Variants in DMRTC1 observed in about 807,000 individuals in gnomAD.
DMRTC1 encodes DMRT like family C1.
For missense variants in DMRTC1, 9 were observed against 34.6 expected, an observed-to-expected ratio of 0.26 and a Z score of 1.86; for synonymous variants, 7 against 14.1, an observed-to-expected ratio of 0.50 and a Z score of 1.13.
chrX:72,872,847 C>A (rs1435151025), intron 6 of DMRTC1, among the ~76,000 whole-genome samples: 2 of 72,570 alleles, frequency 2.8e-5, no homozygotes, highest in African/African-American at 1.3e-4. Flanking sequence ...GCCTCCTAAG[C>A]CTGACCTGTC....
At chrX:72,879,147 GTTTT>G (rs781972795) in intron 1 of DMRTC1, among the ~76,000 whole-genome samples, 205 of 12,777 alleles carry the variant, frequency 0.016, 4 homozygotes, top group African/African-American at 0.039. Flanking sequence ...TTTTTTGTTT[GTTTT>G]TTTTTTTTTT....
rs1213079502 is a variant in DMRTC1 at position 72,916,419 on chromosome X, T to C, written c.-95+27156A>G. ...CCCATGCTCTTGGTGATGGAGACAC[T>C]GTACTTGCAGTCCCACATGCAGCAA... On this transcript the variant is annotated intron_variant, in intron 1 of 6. Transcript: ENST00000615063. Among the ~76,000 whole-genome samples the C allele has an allele frequency of 3.2e-4, 34 of 106,190 alleles. 2 individuals are homozygous for C. The highest frequency in any genetic ancestry group is 1.3e-3 in the African/African-American group (34 of 25,287). The allele number at this position is 106,190 out of a possible 115,157, so 92.2% of individuals were successfully genotyped here. A position where few individuals can be genotyped will look rare whatever the true frequency, so the allele number is the denominator to read the frequency against.
chrX:72,876,708 A>AT (rs1395260755), intron 1 of DMRTC1, among the ~76,000 whole-genome samples: 122 of 64,122 alleles, frequency 1.9e-3, no homozygotes, highest in Non-Finnish European at 2.9e-3. Flanking sequence ...GTTCATGCTG[A>AT]TTTTTTTCTT....
At chrX:72,906,232 T>C (rs1421808945) in intron 1 of DMRTC1, among the ~76,000 whole-genome samples, 1 of 27,336 alleles carries the variant, frequency 3.7e-5, no homozygotes, top group African/African-American at 1.8e-4. Flanking sequence ...GTAAGGAGAT[T>C]GGATCAGTAA....
At position 72,872,372 on chromosome X, in the gene DMRTC1, T is replaced by G; in HGVS notation, c.*80A>C. ...GCTTTAAAAAAAGACGTTAAGCGTTTTGGACGTTAACCATTTTGCACATTC... is the reference window on the plus strand; with the variant it reads ...GCTTTAAAAAAAGACGTTAAGCGTTGTGGACGTTAACCATTTTGCACATTC... On this transcript the variant is annotated 3_prime_UTR_variant, in exon 7 of 7. Transcript: ENST00000615063. The G allele has an allele frequency of 1.9e-6, 1 of 527,139 alleles. No individual in the cohort carries two copies. Among genetic ancestry groups the G allele is most frequent in the South Asian group, 3.3e-5 (1 of 30,133 alleles). 43.4% of individuals were successfully genotyped at this position (527,139 alleles called of 1,213,427 possible). A position where few individuals can be genotyped will look rare whatever the true frequency, so the allele number is the denominator to read the frequency against.
intron 1 of DMRTC1, among the ~76,000 whole-genome samples, chrX:72,905,924 C>G (rs1477985117): frequency 8.8e-6 from 1 of 113,408 alleles, no homozygotes; most frequent in African/African-American, 3.3e-5. Flanking sequence ...TAGAAGACCA[C>G]AGGAAAATAA....
In DMRTC1 at chrX:72,913,225, A is replaced by G. The variant is rs1284065636; in HGVS notation, c.-95+30350T>C. 25 of 893,113 alleles carry G rather than the reference A, an allele frequency of 2.8e-5. No homozygotes were observed. In the African/African-American group the frequency reaches 5.2e-4, roughly 19 times the overall value. The allele number at this position is 893,113 out of a possible 1,213,427, so 73.6% of individuals were successfully genotyped here. A position where few individuals can be genotyped will look rare whatever the true frequency, so the allele number is the denominator to read the frequency against. On this transcript the variant is annotated intron_variant, in intron 1 of 6. Coordinates refer to ENST00000615063, the MANE Select transcript of DMRTC1 (RefSeq NM_033053.3). ...AAATCCCCAGGGCTCCCGAGGGTCC[A>G]CTTGTCACTCTGCTTTCCTCCCTAG... is the stretch of plus-strand genomic sequence containing the variant.
intron 1 of DMRTC1, among the ~76,000 whole-genome samples, chrX:72,906,129 G>A (rs1280585256): frequency 1.5e-5 from 1 of 67,013 alleles, no homozygotes; most frequent in East Asian, 4.7e-4. Flanking sequence ...CAATAAATGG[G>A]TCAGCCCAGA....
chrX:72,916,516 C>T (rs1556356293), intron 1 of DMRTC1, among the ~76,000 whole-genome samples: 1 of 95,959 alleles, frequency 1.0e-5, no homozygotes, highest in East Asian at 3.7e-4. Flanking sequence ...CACACAGTGC[C>T]CAATCTCCTC....
At position 72,872,121 on chromosome X, in the gene DMRTC1, A is replaced by G; in HGVS notation, c.*331T>C. 1 of 50,898 alleles carries G rather than the reference A, an allele frequency of 2.0e-5. No homozygotes were observed. The highest frequency in any genetic ancestry group is 2.8e-5 in the Non-Finnish European group (1 of 35,570). The allele number at this position is 50,898 out of a possible 1,213,427, so 4.2% of individuals were successfully genotyped here. A position where few individuals can be genotyped will look rare whatever the true frequency, so the allele number is the denominator to read the frequency against. On this transcript the variant is annotated 3_prime_UTR_variant, in exon 7 of 7. Coordinates refer to ENST00000615063, the MANE Select transcript of DMRTC1 (RefSeq NM_033053.3). The stretch of plus-strand genomic sequence containing the variant: ...TGTTTCCACATGCAGGGGTATACAC[A>G]TGAGTGCACAGGTATGTCAGCAATC...
At chrX:72,872,589 G>C (rs781958778) in intron 6 of DMRTC1, 25 bp from the exon 7 acceptor site, 1 of 1,184,186 alleles carries the variant, frequency 8.4e-7, no homozygotes, top group African/African-American at 1.9e-5. Flanking sequence ...GAAGGGGCCA[G>C]AGCCAGGTCA....
At chrX:72,879,709 A>G (rs1181243672) in intron 1 of DMRTC1, among the ~76,000 whole-genome samples, 2 of 101,914 alleles carry the variant, frequency 2.0e-5, no homozygotes, top group African/African-American at 6.9e-5. Flanking sequence ...TATCTTAATC[A>G]GTTTTCTATC....
chrX:72,905,792 G>A (rs1294578334), intron 1 of DMRTC1, among the ~76,000 whole-genome samples: 1 of 93,350 alleles, frequency 1.1e-5, no homozygotes, highest in Non-Finnish European at 2.1e-5. Context: ...GAGTCACGGC[G>A]CCTGGACTAA....
chrX:72,879,756 CCTTT>C (rs1256763556), intron 1 of DMRTC1, among the ~76,000 whole-genome samples: 89 of 86,276 alleles, frequency 1.0e-3, no homozygotes, highest in African/African-American at 3.5e-3. Context: ...TCTTTCTTAC[CCTTT>C]CTTTCTCCCT....
intron 1 of DMRTC1, among the ~76,000 whole-genome samples, chrX:72,916,492 G>T (rs2054990898): frequency 2.0e-5 from 2 of 100,013 alleles, no homozygotes; most frequent in South Asian, 9.7e-4. Context: ...AGGGTGCTTG[G>T]AGACAGTTCC....
At chrX:72,882,086 A>G (rs1471932538) in intron 1 of DMRTC1, among the ~76,000 whole-genome samples, 3 of 81,582 alleles carry the variant, frequency 3.7e-5, no homozygotes, top group Non-Finnish European at 7.0e-5. Context: ...TCTTGGCCTT[A>G]GTATTCATTC....
At chrX:72,915,809 G>A (rs2054982498) in intron 1 of DMRTC1, among the ~76,000 whole-genome samples, 1 of 47,193 alleles carries the variant, frequency 2.1e-5, no homozygotes, top group Non-Finnish European at 3.6e-5. Flanking sequence ...TTACACCTTC[G>A]TTTCTGAAAT....
At chrX:72,874,700 GCTCCTCCTCCCCCTCCACCACCTCCTC>G (rs2054791501) in intron 4 of DMRTC1, 98 bp downstream of exon 4, 23 of 788,393 alleles carry the variant, frequency 2.9e-5, no homozygotes, top group East Asian at 7.2e-5. Flanking sequence ...TCCTCCTCCT[GCTCCTCCTCCCCCTCCACCACCTCCTC>G]CTCCTCCTCC....
chrX:72,913,116 A>C (rs1299752523), intron 1 of DMRTC1: 8 of 485,025 alleles, frequency 1.6e-5, no homozygotes, highest in Admixed American at 1.6e-4. Flanking sequence ...CTTCGGAGCC[A>C]GCCTCTGCCT....
Sources: gnomAD v4.1 joint callset for allele counts (sites outside exome capture counted in the v4.1 genomes callset) on GRCh38, gnomAD v4.1.1 for gene constraint, MANE v1.5 for transcripts, NCBI Gene and HGNC (gene_info 2026-07-23, HGNC 2026-07-21) for gene names.